TUSC3: variants seen among roughly 807,000 people sequenced by gnomAD.
TUSC3 encodes the protein tumor suppressor candidate 3.
In TUSC3, 45 loss-of-function variants were observed where a neutral mutation model predicts 44.8. That is an observed-to-expected ratio of 1.00 (90% confidence interval 0.79 to 1.29). The LOEUF is 1.29. Among genes scored for constraint, TUSC3 ranks in the 50% most tolerant of loss-of-function variants. The pLI, the probability that TUSC3 is intolerant of heterozygous loss-of-function variation, is 0.00. For synonymous variants in TUSC3, 212 were observed against 152.9 expected, an observed-to-expected ratio of 1.39 and a Z score of -2.85; for missense variants, 519 against 437.9, an observed-to-expected ratio of 1.19 and a Z score of -1.65.
At chr8:15,791,103 G>C in the TUSC3 span, among the ~76,000 whole-genome samples, 1 of 152,096 alleles carries the variant, frequency 6.6e-6, no homozygotes, top group Admixed American at 6.6e-5. Flanking sequence ...TTTTATCTTA[G>C]AAAAAAATTC....
intron 6 of TUSC3, among the ~76,000 whole-genome samples, chr8:15,709,036 A>G (rs1809729855): frequency 6.6e-6 from 1 of 151,948 alleles, no homozygotes; most frequent in Non-Finnish European, 1.5e-5. Flanking sequence ...TAGAACTCCA[A>G]CTAATAGTTG....
downstream of TUSC3, among the ~76,000 whole-genome samples, chr8:15,771,589 T>C (rs1011741617): frequency 5.9e-5 from 9 of 152,180 alleles, no homozygotes; most frequent in African/African-American, 1.9e-4. Context: ...TTAAAAACTC[T>C]ACAGTGTATA....
At chr8:15,634,220 C>T (rs1805960479) in intron 2 of TUSC3, among the ~76,000 whole-genome samples, 1 of 152,134 alleles carries the variant, frequency 6.6e-6, no homozygotes, top group African/African-American at 2.4e-5. Context: ...TGAGGTCTTC[C>T]AAATGGGACC....
intron 2 of TUSC3, among the ~76,000 whole-genome samples, chr8:15,631,014 G>C (rs541001654): frequency 1.7e-4 from 26 of 152,192 alleles, no homozygotes; most frequent in African/African-American, 6.3e-4. Flanking sequence ...TCTTACCTTT[G>C]ATAATATTTC....
chr8:15,608,023 C>G (rs1240265131), intron 1 of TUSC3, among the ~76,000 whole-genome samples: 1 of 152,100 alleles, frequency 6.6e-6, no homozygotes, highest in African/African-American at 2.4e-5. Context: ...CCTTAGCAAA[C>G]CAGAATGGTG....
At chr8:15,595,494 CCTGT>C (rs1202169084) in intron 1 of TUSC3, among the ~76,000 whole-genome samples, 2 of 152,134 alleles carry the variant, frequency 1.3e-5, no homozygotes, top group Non-Finnish European at 2.9e-5. Flanking sequence ...CACTTTGTTC[CCTGT>C]CTCTTAGGCA....
At chr8:15,787,573 T>C in the TUSC3 span, among the ~76,000 whole-genome samples, 1 of 152,226 alleles carries the variant, frequency 6.6e-6, no homozygotes, top group Non-Finnish European at 1.5e-5. Flanking sequence ...GTGACTTCTG[T>C]ATATTTTCTC....
intron 1 of TUSC3, among the ~76,000 whole-genome samples, chr8:15,446,400 G>T (rs545423626): frequency 1.3e-5 from 2 of 152,162 alleles, no homozygotes; most frequent in South Asian, 4.1e-4. Context: ...AGGTTGTAGC[G>T]AGTCGAGATC....
At chr8:15,435,263 G>C (rs1000230386) in intron 1 of TUSC3, among the ~76,000 whole-genome samples, 45 of 152,008 alleles carry the variant, frequency 3.0e-4, no homozygotes, top group African/African-American at 1.0e-3. Context: ...TTGTGGTTTT[G>C]ATTTGCATTT....
At chr8:15,450,270 G>A (rs1176177269) in intron 1 of TUSC3, among the ~76,000 whole-genome samples, 1 of 152,056 alleles carries the variant, frequency 6.6e-6, no homozygotes, top group African/African-American at 2.4e-5. Flanking sequence ...TGTATAACAA[G>A]CTTTAAAAAG....
intron 1 of TUSC3, among the ~76,000 whole-genome samples, chr8:15,622,457 T>A (rs1805292748): frequency 6.6e-6 from 1 of 152,094 alleles, no homozygotes; most frequent in African/African-American, 2.4e-5. Context: ...ATACAGAAGC[T>A]ACAGTGCTGT....
intron 1 of TUSC3, among the ~76,000 whole-genome samples, chr8:15,438,578 T>C (rs1216598846): frequency 6.6e-6 from 1 of 152,180 alleles, no homozygotes; most frequent in Admixed American, 6.5e-5. Flanking sequence ...AATCTACTAA[T>C]ACTATTCATG....
intron 1 of TUSC3, among the ~76,000 whole-genome samples, chr8:15,417,714 T>C (rs1236756948): frequency 6.6e-6 from 1 of 152,194 alleles, no homozygotes; most frequent in South Asian, 2.1e-4. Context: ...GCTTCAGGAC[T>C]TCAAAGAGAT....
At chr8:15,482,565 A>G (rs574790861) in intron 1 of TUSC3, among the ~76,000 whole-genome samples, 7 of 152,208 alleles carry the variant, frequency 4.6e-5, no homozygotes, top group Non-Finnish European at 8.8e-5. Context: ...TCAATCATAT[A>G]AAAGCTCTGA....
intron 2 of TUSC3, among the ~76,000 whole-genome samples, chr8:15,522,647 A>C (rs1404759683): frequency 1.3e-5 from 2 of 151,658 alleles, no homozygotes; most frequent in African/African-American, 2.4e-5. Context: ...CTCCCAAGAT[A>C]GGGGCTGTTT....
At chr8:15,658,716 T>C (rs1807286125) in intron 3 of TUSC3, among the ~76,000 whole-genome samples, 1 of 151,572 alleles carries the variant, frequency 6.6e-6, no homozygotes, top group African/African-American at 2.4e-5. Context: ...TATACACATA[T>C]ATACAAATAT....
At chr8:15,767,176 C>G (rs961758649), downstream of TUSC3, among the ~76,000 whole-genome samples, 2 of 152,036 alleles carry the variant, frequency 1.3e-5, no homozygotes, top group African/African-American at 4.8e-5. Context: ...TGATATAATT[C>G]ACGAGCATCT....
At chr8:15,800,094 C>T in the TUSC3 span, among the ~76,000 whole-genome samples, 1 of 152,234 alleles carries the variant, frequency 6.6e-6, no homozygotes, top group Admixed American at 6.5e-5. Flanking sequence ...GCAAACTTAT[C>T]CTTTGTTACA....
At chr8:15,497,992 G>GC (rs1347671465) in intron 2 of TUSC3, among the ~76,000 whole-genome samples, 11 of 151,920 alleles carry the variant, frequency 7.2e-5, no homozygotes, top group Admixed American at 1.3e-4. Context: ...AAAATGATCC[G>GC]CCCCCCTTCG....
Sources: allele counts gnomAD v4.1 joint callset (sites outside exome capture counted in the v4.1 genomes callset), GRCh38; gene constraint gnomAD v4.1.1; transcripts MANE v1.5; gene names NCBI Gene and HGNC (gene_info 2026-07-23, HGNC 2026-07-21).